The following ADCY7 variants were observed in gnomAD, a reference collection of about 807,000 sequenced individuals.
The protein encoded by ADCY7 is adenylate cyclase 7.
Under a neutral mutation model 120.6 loss-of-function variants are expected in ADCY7, and 72 were observed. The ratio of observed to expected loss-of-function variants is 0.60; its 90% CI spans 0.49 to 0.73. The LOEUF is 0.73. ADCY7 is among the 30% of genes least tolerant of loss of function. The pLI, the probability that ADCY7 is intolerant of heterozygous loss-of-function variation, is 0.00. For synonymous variants in ADCY7, 661 were observed against 628.0 expected (o/e 1.05, Z -0.78); for missense variants, 1,227 against 1,486.0 (o/e 0.83, Z 2.87).
intron 1 of ADCY7, among the ~76,000 whole-genome samples, chr16:50,257,606 AAAAC>A (rs1036301641): frequency 1.4e-4 from 21 of 152,266 alleles, no homozygotes; most frequent in East Asian, 9.6e-4. Context: ...TAAAATTAAA[AAAAC>A]AAACATTTTA....
intron 1 of ADCY7, among the ~76,000 whole-genome samples, chr16:50,285,957 C>G (rs2034554735): frequency 6.6e-6 from 1 of 152,060 alleles, no homozygotes; most frequent in East Asian, 1.9e-4. Context: ...AAGAAGGAAC[C>G]CATATGGGCT....
chr16:50,300,872 G>C lies in ADCY7; in HGVS notation c.1234G>C (p.Gly412Arg), dbSNP rs984907922. The change falls in exon 9 of 26, where the codon GGC becomes CGC. Residue 412 changes from glycine to arginine, a missense_variant and splice_region_variant. Physicochemically the swap from Gly to Arg is moderately radical, Grantham distance 125. Around this residue, in one of 5 missense-constraint regions of ADCY7, gnomAD observed 332 missense variants for 455.8 expected, o/e 0.73. Coordinates refer to ENST00000673801, the MANE Select transcript of ADCY7 (RefSeq NM_001114.5). ...CCGGATGGAGGCAGCCGGAGTACCCGGGTGAGGCTGGGCTGGGTAGCCGCA... is the reference window on the plus strand; with the variant it reads ...CCGGATGGAGGCAGCCGGAGTACCCCGGTGAGGCTGGGCTGGGTAGCCGCA... ...ANRMEAAGVP[G>R]RVHITEATLK... 6.4e-7 allele frequency: 1 copy of C among 1,555,142 alleles called. No homozygotes were observed. The highest frequency in any genetic ancestry group is 8.7e-7 in the Non-Finnish European group (1 of 1,149,056).
At chr16:50,278,269 G>A (rs146567204) in intron 1 of ADCY7, among the ~76,000 whole-genome samples, 102 of 152,232 alleles carry the variant, frequency 6.7e-4, no homozygotes, top group South Asian at 2.5e-3. Flanking sequence ...TCGAACTCCT[G>A]GCCTCATGTG....
chr16:50,259,337 C>G (rs967742883), intron 1 of ADCY7, among the ~76,000 whole-genome samples: 2 of 152,206 alleles, frequency 1.3e-5, no homozygotes, highest in Non-Finnish European at 2.9e-5. Flanking sequence ...AGGGACATGG[C>G]CTTCCTCCCT....
At chr16:50,311,483 T>A (rs1161987638) in intron 19 of ADCY7, among the ~76,000 whole-genome samples, 2 of 152,108 alleles carry the variant, frequency 1.3e-5, no homozygotes, top group African/African-American at 4.8e-5. Flanking sequence ...AGGGGTGAGA[T>A]CAGAGGTCTT....
chr16:50,304,138 C>G (rs1032498258), intron 10 of ADCY7, among the ~76,000 whole-genome samples: 1 of 152,160 alleles, frequency 6.6e-6, no homozygotes, highest in African/African-American at 2.4e-5. Context: ...GAGCTGGGAC[C>G]CCATATGGCC....
intron 9 of ADCY7, 34 bp from the exon 10 acceptor site, chr16:50,301,048 C>T (rs760906318): frequency 8.7e-6 from 14 of 1,607,160 alleles, no homozygotes; most frequent in South Asian, 5.6e-5. Context: ...CCTCTCTGGG[C>T]CCCAAGGCTC....
intron 1 of ADCY7, among the ~76,000 whole-genome samples, chr16:50,283,968 A>G (rs1168599914): frequency 6.6e-6 from 1 of 152,170 alleles, no homozygotes. Context: ...CCTGGATTGG[A>G]TGTGTCTCAG....
intron 10 of ADCY7, among the ~76,000 whole-genome samples, chr16:50,303,034 T>C (rs1252194526): frequency 6.6e-6 from 1 of 152,224 alleles, no homozygotes; most frequent in Non-Finnish European, 1.5e-5. Context: ...TAGGCATGTG[T>C]TTGCTCAGAA....
intron 10 of ADCY7, chr16:50,301,533 T>C (rs2035722715): frequency 3.4e-6 from 1 of 296,178 alleles, no homozygotes; most frequent in Non-Finnish European, 6.3e-6. Flanking sequence ...TTATTTTCCA[T>C]GAGGTGGTTA....
chr16:50,307,611 G>A (rs189742933), intron 15 of ADCY7, among the ~76,000 whole-genome samples: 1 of 152,314 alleles, frequency 6.6e-6, no homozygotes, highest in East Asian at 1.9e-4. Flanking sequence ...TCAGAGGGAA[G>A]GGGGATCTAA....
intron 21 of ADCY7, 23 bp downstream of exon 21, chr16:50,312,214 C>G (rs200573413): frequency 1.1e-5 from 17 of 1,608,128 alleles, no homozygotes; most frequent in Non-Finnish European, 1.4e-5. Flanking sequence ...GGGGCTGGGG[C>G]GGGGGCAGGG....
rs140921032 is a variant in ADCY7, at chr16:50,313,060, C to T, written c.2751+24C>T. ...AGGTACAGCCTCTAGCCCAGCCTTG[C>T]GCAGCAGCCCCCACCCATGCTGGAG... On this transcript the variant is annotated intron_variant, in intron 22 of 25. Transcript: ENST00000673801. 3,058 of 1,612,776 alleles carry T rather than the reference C, an allele frequency of 1.9e-3. 63 individuals are homozygous for T. The African/African-American group carries it at 0.034, about 18-fold the overall frequency.
chr16:50,291,822 C>T lies in ADCY7; in HGVS notation c.462C>T (p.Ser154=), dbSNP rs942844162. 1.9e-6 allele frequency: 3 copies of T among 1,613,974 alleles called. No homozygotes were observed. Among genetic ancestry groups the T allele is most frequent in the African/African-American group, 2.7e-5 (2 of 74,934 alleles). The change falls in exon 4 of 26, where the codon TCC becomes TCT. Residue 154 remains serine, a synonymous_variant. Coordinates refer to ENST00000673801, the MANE Select transcript of ADCY7 (RefSeq NM_001114.5). ...MRGAVAVGAV[S]TASHLLVLGS... is the part of the protein sequence containing the mutation. ...GCGCTGTCGCCGTTGGGGCCGTCTC[C>T]ACTGCCTCCCACCTCCTGGTGCTCG...
intron 1 of ADCY7, among the ~76,000 whole-genome samples, chr16:50,269,615 A>G (rs184378875): frequency 2.6e-5 from 4 of 152,170 alleles, no homozygotes; most frequent in Admixed American, 2.6e-4. Context: ...CTGTCATTGC[A>G]AGGGTCACAG....
intron 1 of ADCY7, among the ~76,000 whole-genome samples, chr16:50,284,810 T>A (rs1275780357): frequency 6.6e-6 from 1 of 152,270 alleles, no homozygotes; most frequent in Non-Finnish European, 1.5e-5. Flanking sequence ...GCAACCACTC[T>A]GCCTCTCTGG....
chr16:50,307,177 G>A (rs761402894), intron 15 of ADCY7, 30 bp downstream of exon 15: 37 of 1,590,674 alleles, frequency 2.3e-5, no homozygotes, highest in South Asian at 4.4e-5. Context: ...GTGGGGGTCC[G>A]GCCTGCTGGG....
In ADCY7 at chr16:50,310,556, T is replaced by C. The variant is rs924457817; in HGVS notation, c.2161-131T>C. On this transcript the variant is annotated intron_variant, in intron 18 of 25. Coordinates refer to ENST00000673801, the MANE Select transcript of ADCY7 (RefSeq NM_001114.5). ...ACTCTTAGGTCTCATTGTTTTTTGTTGAGAAGGGAGGTGGTAAGGCAAGAG... is the reference window on the plus strand; with the variant it reads ...ACTCTTAGGTCTCATTGTTTTTTGTCGAGAAGGGAGGTGGTAAGGCAAGAG... 3 of 1,555,388 alleles carry C rather than the reference T, an allele frequency of 1.9e-6. No individual in the cohort carries two copies. The African/African-American group carries it at 4.1e-5, about 21-fold the overall frequency.
rs148220468 is a variant in ADCY7 at position 50,248,887 on chromosome 16, G to A, written c.-64+2684G>A. On this transcript the variant is annotated intron_variant, in intron 1 of 4. Transcript: ENST00000564044. ...AGAACGGCCTGGGACTCAGGTGGAC[G>A]ATACCCTTTTGGTCGGTGGCAGAGC... 3.1e-3 allele frequency among the ~76,000 whole-genome samples: 466 copies of A among 152,296 alleles called. 3 individuals carry two copies. The highest frequency in any genetic ancestry group is 4.3e-3 in the Non-Finnish European group (294 of 68,024).
Sources: gnomAD v4.1 joint callset for allele counts (sites outside exome capture counted in the v4.1 genomes callset) on GRCh38, gnomAD v4.1.1 for gene constraint, gnomAD v4.1.1 regional missense constraint, MANE v1.5 for transcripts, NCBI Gene and HGNC (gene_info 2026-07-23, HGNC 2026-07-21) for gene names.